Variants in PITPNC1 observed in about 807,000 individuals in gnomAD.
PITPNC1 encodes cytoplasmic phosphatidylinositol transfer protein 1.
A neutral mutation model predicts 44.7 loss-of-function variants in PITPNC1; 18 were observed. The ratio of observed to expected loss-of-function variants is 0.40; its 90% CI spans 0.28 to 0.60. The LOEUF is 0.60. Ranked by LOEUF, PITPNC1 falls within the 20% of genes least tolerant of loss-of-function variation. The probability of loss-of-function intolerance (pLI) is 0.39; values close to 1 mark genes in which losing one functional copy is unlikely to be tolerated. For synonymous variants in PITPNC1, 141 were observed against 149.6 expected (o/e 0.94, Z 0.42); for missense variants, 290 against 418.4 (o/e 0.69, Z 2.68).
intron 6 of PITPNC1, among the ~76,000 whole-genome samples, chr17:67,662,889 G>A (rs887750628): frequency 6.6e-6 from 1 of 152,132 alleles, no homozygotes; most frequent in Non-Finnish European, 1.5e-5. Context: ...GGTGAGCATA[G>A]TACCCCATGG....
chr17:67,522,015 C>A (rs1391964584), intron 1 of PITPNC1, among the ~76,000 whole-genome samples: 1 of 152,016 alleles, frequency 6.6e-6, no homozygotes, highest in Non-Finnish European at 1.5e-5. Flanking sequence ...ATATTAAAGA[C>A]CTCTCGGGCT....
intron 6 of PITPNC1, among the ~76,000 whole-genome samples, chr17:67,637,358 T>C (rs1273472524): frequency 6.6e-6 from 1 of 152,096 alleles, no homozygotes; most frequent in Non-Finnish European, 1.5e-5. Context: ...AAGTTGACGA[T>C]GTCAGCGTCC....
chr17:67,424,121 G>A (rs1461008374), intron 1 of PITPNC1, among the ~76,000 whole-genome samples: 1 of 149,024 alleles, frequency 6.7e-6, no homozygotes, highest in Non-Finnish European at 1.5e-5. Context: ...AGTTGAGGAT[G>A]AGGAGCTCAA....
chr17:67,605,823 G>T (rs2144282306), intron 5 of PITPNC1, among the ~76,000 whole-genome samples: 1 of 152,310 alleles, frequency 6.6e-6, no homozygotes, highest in African/African-American at 2.4e-5. Flanking sequence ...CAGCACCAAA[G>T]AATAATACCT....
rs932305983 is a variant in PITPNC1 at position 67,695,236 on chromosome 17, G to A, written c.*2348G>A. On this transcript the variant is annotated 3_prime_UTR_variant, in exon 9 of 9. Transcript: ENST00000581322. ...CAGTTTTTCTGTCTACATATGCTTT[G>A]TGTGAGTTAAAAAGGGGGTGGGTGG... 2.6e-5 allele frequency: 4 copies of A among 152,124 alleles called. No homozygotes were observed. Among genetic ancestry groups the A allele is most frequent in the African/African-American group, 9.7e-5 (4 of 41,426 alleles). 9.4% of individuals were successfully genotyped at this position (152,124 alleles called of 1,614,324 possible).
intron 1 of PITPNC1, among the ~76,000 whole-genome samples, chr17:67,460,996 C>A (rs1162540992): frequency 6.6e-6 from 1 of 152,090 alleles, no homozygotes; most frequent in African/African-American, 2.4e-5. Context: ...CCTGCCTCAG[C>A]TCCCAGAGTG....
intron 1 of PITPNC1, among the ~76,000 whole-genome samples, chr17:67,531,358 C>T (rs1419777345): frequency 1.3e-5 from 2 of 152,236 alleles, no homozygotes; most frequent in Admixed American, 6.5e-5. Flanking sequence ...GGTACGTGCA[C>T]ACATACGCTC....
intron 1 of PITPNC1, among the ~76,000 whole-genome samples, chr17:67,452,114 C>T (rs1379597786): frequency 1.3e-5 from 2 of 151,836 alleles, no homozygotes; most frequent in African/African-American, 4.8e-5. Context: ...AAGTGATCCT[C>T]CCAACGTCAT....
chr17:67,473,007 C>G (rs1186943083), intron 1 of PITPNC1, among the ~76,000 whole-genome samples: 1 of 151,332 alleles, frequency 6.6e-6, no homozygotes. Context: ...TCCTGAGTAG[C>G]TGGGACTACA....
intron 4 of PITPNC1, among the ~76,000 whole-genome samples, chr17:67,562,262 G>A (rs2040915293): frequency 6.6e-6 from 1 of 152,148 alleles, no homozygotes; most frequent in African/African-American, 2.4e-5. Context: ...CTCTGTGTAG[G>A]GTGCGGGCTG....
At chr17:67,631,137 C>G (rs958817927) in intron 5 of PITPNC1, among the ~76,000 whole-genome samples, 2 of 149,508 alleles carry the variant, frequency 1.3e-5, no homozygotes, top group African/African-American at 4.9e-5. Context: ...AAACCTAGAG[C>G]AGATTGGCAG....
chr17:67,599,016 ATATATATATATATATATATTTTT>A (rs2041498706), intron 5 of PITPNC1, among the ~76,000 whole-genome samples: 2 of 34,004 alleles, frequency 5.9e-5, no homozygotes, highest in African/African-American at 2.9e-4. Flanking sequence ...ATATATATAT[ATATATATATATATATATATTTTT>A]TTTTTTTTTT....
intron 1 of PITPNC1, among the ~76,000 whole-genome samples, chr17:67,379,990 C>T (rs2037932447): frequency 6.6e-6 from 1 of 152,134 alleles, no homozygotes; most frequent in African/African-American, 2.4e-5. Context: ...TACCGAAATA[C>T]CCACAGGTAT....
At chr17:67,565,202 G>A (rs1405982820) in intron 4 of PITPNC1, among the ~76,000 whole-genome samples, 1 of 151,592 alleles carries the variant, frequency 6.6e-6, no homozygotes, top group East Asian at 1.9e-4. Flanking sequence ...TTTTCAGTGT[G>A]TGTACTAGTT....
At chr17:67,477,349 C>T (rs545151471) in intron 1 of PITPNC1, among the ~76,000 whole-genome samples, 15 of 149,956 alleles carry the variant, frequency 1.0e-4, no homozygotes, top group East Asian at 2.0e-4. Context: ...CGGGTTCAAG[C>T]GATTCTCCTG....
chr17:67,687,117 C>A, intron 8 of PITPNC1: 1 of 1,612,456 alleles, frequency 6.2e-7, no homozygotes, highest in Non-Finnish European at 8.5e-7. Flanking sequence ...CATGAACAAA[C>A]CAACATAAAA....
intron 1 of PITPNC1, among the ~76,000 whole-genome samples, chr17:67,419,739 C>T (rs2038642967): frequency 6.6e-6 from 1 of 152,188 alleles, no homozygotes; most frequent in South Asian, 2.1e-4. Context: ...AACCCCGTCT[C>T]TACTAAAAAT....
Position 67,402,958 on chromosome 17 carries a change from C to T in PITPNC1, c.48+24756C>T, listed in dbSNP as rs191465321. ...CTGGGATTACAGGCGTGAGCCACCG[C>T]GCCTAGCCTGACCACGTTTTTGATT... On this transcript the variant is annotated intron_variant, in intron 1 of 8. Transcript: ENST00000581322. 3.0e-3 allele frequency among the ~76,000 whole-genome samples: 460 copies of T among 152,280 alleles called. 1 individual carries two copies. The highest frequency in any genetic ancestry group is 8.0e-3 in the Admixed American group (123 of 15,296).
chr17:67,648,645 G>T (rs143000873), intron 6 of PITPNC1, among the ~76,000 whole-genome samples: 2 of 152,196 alleles, frequency 1.3e-5, no homozygotes, highest in Non-Finnish European at 2.9e-5. Flanking sequence ...GAGGAATTGG[G>T]ACTCCACATT....
Sources: allele counts gnomAD v4.1 joint callset (sites outside exome capture counted in the v4.1 genomes callset), GRCh38; gene constraint gnomAD v4.1.1; transcripts MANE v1.5; gene names NCBI Gene and HGNC (gene_info 2026-07-23, HGNC 2026-07-21).